Variants in WWOX observed in about 807,000 individuals in gnomAD.
WWOX encodes the protein WW domain containing oxidoreductase.
Under a neutral mutation model 46.2 loss-of-function variants are expected in WWOX, and 69 were observed. The observed-to-expected ratio is 1.49, with a 90% CI of 1.23 to 1.82. The LOEUF (loss-of-function observed/expected upper bound fraction) is 1.82, where lower values mean the gene tolerates loss of function less well. WWOX is among the 40% of genes most tolerant of loss of function. WWOX has a pLI of 0.00. For synonymous variants in WWOX, 359 were observed against 202.6 expected, an observed-to-expected ratio of 1.77 and a Z score of -6.56; for missense variants, 919 against 542.6, an observed-to-expected ratio of 1.69 and a Z score of -6.89.
At position 78,818,466 on chromosome 16, in the gene WWOX, C is replaced by T. The variant is rs549581815; in HGVS notation, c.1056+385714C>T. Reference sequence around the variant, plus strand: ...AGTTTTGAGGCTGGGTGCAGAGGCTCATGCCTGTAATCCCAGCACTTCGGG... The same window carrying T: ...AGTTTTGAGGCTGGGTGCAGAGGCTTATGCCTGTAATCCCAGCACTTCGGG... On this transcript the variant is annotated intron_variant, in intron 8 of 8. Transcript: ENST00000566780. Among the ~76,000 whole-genome samples, 4 of 152,330 alleles carry T rather than the reference C, an allele frequency of 2.6e-5. No individual in the cohort carries two copies. The South Asian group carries it at 6.2e-4, about 24-fold the overall frequency.
intron 5 of WWOX, among the ~76,000 whole-genome samples, chr16:78,192,988 G>A (rs2035930364): frequency 6.6e-6 from 1 of 152,210 alleles, no homozygotes; most frequent in African/African-American, 2.4e-5. Flanking sequence ...TAACACATGT[G>A]GCTGAGGGTT....
intron 5 of WWOX, among the ~76,000 whole-genome samples, chr16:78,363,073 TA>T (rs1879433646): frequency 6.6e-6 from 1 of 152,132 alleles, no homozygotes; most frequent in Admixed American, 6.5e-5. Context: ...TATTCCACCA[TA>T]AAATCTTTTT....
intron 8 of WWOX, among the ~76,000 whole-genome samples, chr16:79,185,045 C>T (rs2050986106): frequency 6.6e-6 from 1 of 152,170 alleles, no homozygotes; most frequent in African/African-American, 2.4e-5. Context: ...TTAACGCTCA[C>T]CTTCTGGTCC....
At chr16:78,860,092 A>T (rs2052680927) in intron 8 of WWOX, among the ~76,000 whole-genome samples, 1 of 152,200 alleles carries the variant, frequency 6.6e-6, no homozygotes, top group Non-Finnish European at 1.5e-5. Context: ...ATGCACAAAC[A>T]CATAAACTTT....
chr16:78,656,555 T>C (rs931724231), intron 8 of WWOX, among the ~76,000 whole-genome samples: 1 of 152,124 alleles, frequency 6.6e-6, no homozygotes, highest in Non-Finnish European at 1.5e-5. Flanking sequence ...TACCCACTTT[T>C]AAACAACCAG....
chr16:78,931,156 G>T (rs1357359573), intron 8 of WWOX, among the ~76,000 whole-genome samples: 2 of 152,152 alleles, frequency 1.3e-5, no homozygotes, highest in Admixed American at 6.5e-5. Flanking sequence ...AGGAGCTTAC[G>T]AAAACAGAGC....
chr16:78,967,055 G>C (rs1179677669), intron 8 of WWOX, among the ~76,000 whole-genome samples: 1 of 152,078 alleles, frequency 6.6e-6, no homozygotes, highest in African/African-American at 2.4e-5. Context: ...TTGGTCCATT[G>C]TTGTCCTTTC....
In WWOX at chr16:78,996,257, C is replaced by G. The variant is rs187397160; in HGVS notation, c.1057-215351C>G. ...TAACCTTGAAAAGGGCAGAGCTGAG[C>G]CAGACCCCTTTTCAGCTGGGTGCTC... On this transcript the variant is annotated intron_variant, in intron 8 of 8. Coordinates refer to ENST00000566780, the MANE Select transcript of WWOX (RefSeq NM_016373.4). 2.8e-5 allele frequency: 28 copies of G among 984,902 alleles called. No individual in the cohort carries two copies. In the Admixed American group the frequency reaches 1.6e-3, roughly 56 times the overall value. The allele number at this position is 984,902 out of a possible 1,614,324, so 61.0% of individuals were successfully genotyped here.
intron 4 of WWOX, among the ~76,000 whole-genome samples, chr16:78,156,721 C>T (rs983645754): frequency 3.2e-4 from 48 of 151,834 alleles, no homozygotes; most frequent in African/African-American, 1.1e-3. Flanking sequence ...GTTAGGAGTT[C>T]GAGAGCAGCC....
intron 8 of WWOX, among the ~76,000 whole-genome samples, chr16:78,985,476 A>C (rs1453938138): frequency 6.6e-6 from 1 of 152,182 alleles, no homozygotes; most frequent in Non-Finnish European, 1.5e-5. Context: ...CCTGCACTAC[A>C]TTCAGAATAG....
chr16:78,465,567 A>G (rs1021482180), intron 8 of WWOX, among the ~76,000 whole-genome samples: 2 of 152,240 alleles, frequency 1.3e-5, no homozygotes, highest in Non-Finnish European at 2.9e-5. Flanking sequence ...ATACCTTTTC[A>G]TTAGTAACTC....
At chr16:78,599,262 T>C (rs2045565643) in intron 8 of WWOX, among the ~76,000 whole-genome samples, 1 of 152,222 alleles carries the variant, frequency 6.6e-6, no homozygotes, top group African/African-American at 2.4e-5. Context: ...TCAGCTGGTC[T>C]AGCTTTGTCT....
At chr16:78,713,259 G>A (rs1421596768) in intron 8 of WWOX, among the ~76,000 whole-genome samples, 3 of 115,160 alleles carry the variant, frequency 2.6e-5, no homozygotes, top group Non-Finnish European at 4.9e-5. Context: ...GGGTGACAAA[G>A]TGAGACTCTG....
chr16:78,360,478 G>A (rs1303034110), intron 5 of WWOX, among the ~76,000 whole-genome samples: 2 of 151,610 alleles, frequency 1.3e-5, no homozygotes, highest in Non-Finnish European at 2.9e-5. Flanking sequence ...CCAGATACTT[G>A]GGAGGCTGAG....
intron 8 of WWOX, among the ~76,000 whole-genome samples, chr16:78,676,431 G>A: frequency 6.8e-6 from 1 of 147,998 alleles, no homozygotes; most frequent in African/African-American, 2.5e-5. Flanking sequence ...AACTCTGGGA[G>A]TTCCTGTTGC....
At chr16:78,557,182 C>G (rs567465914) in intron 8 of WWOX, among the ~76,000 whole-genome samples, 3 of 152,178 alleles carry the variant, frequency 2.0e-5, no homozygotes, top group South Asian at 2.1e-4. Context: ...CTGCTTGTTT[C>G]TGAATACCCA....
chr16:79,185,652 C>G (rs897277723), intron 8 of WWOX, among the ~76,000 whole-genome samples: 3 of 152,138 alleles, frequency 2.0e-5, no homozygotes, highest in African/African-American at 7.2e-5. Context: ...TGTCAAACAC[C>G]TGCCGATGAG....
chr16:78,704,435 A>C (rs960025104), intron 8 of WWOX, among the ~76,000 whole-genome samples: 1 of 152,172 alleles, frequency 6.6e-6, no homozygotes, highest in Admixed American at 6.5e-5. Context: ...AACAAGAATT[A>C]TAGTTTCTGT....
In WWOX at chr16:78,394,339, T is replaced by C. The variant is rs891458120; in HGVS notation, c.605+7391T>C. The stretch of plus-strand genomic sequence containing the variant: ...ATGCTCTAAATCTAGCTCTTAATTA[T>C]GATTTTTTAAGGAAAATTTTGAAAA... On this transcript the variant is annotated intron_variant, in intron 6 of 8. Transcript: ENST00000566780. Among the ~76,000 whole-genome samples the C allele has an allele frequency of 3.9e-5, 6 of 152,288 alleles. No homozygotes were observed. In the South Asian group the frequency reaches 6.2e-4, roughly 16 times the overall value.
Sources: gnomAD v4.1 joint callset for allele counts (sites outside exome capture counted in the v4.1 genomes callset) on GRCh38, gnomAD v4.1.1 for gene constraint, MANE v1.5 for transcripts, NCBI Gene and HGNC (gene_info 2026-07-23, HGNC 2026-07-21) for gene names.